Variants in NEDD4 observed in about 807,000 individuals in gnomAD.
The protein encoded by NEDD4 is NEDD4 E3 ubiquitin protein ligase.
A neutral mutation model predicts 144.9 loss-of-function variants in NEDD4; 99 were observed. That is an observed-to-expected ratio of 0.68 (90% CI 0.58 to 0.81). The LOEUF is 0.81. Ranked by LOEUF, NEDD4 falls within the 30% of genes least tolerant of loss-of-function variation. The pLI is 0.00. For synonymous variants in NEDD4, 318 were observed against 350.6 expected (o/e 0.91, Z 1.04); for missense variants, 985 against 1,065.9 (o/e 0.92, Z 1.06).
rs139657664 is a variant in NEDD4, at chr15:55,940,081, A to C, written c.237+11295T>G. ...AACAAAATGGATGAACCTTGAGGAC[A>C]CTACCCTAGGTGAAATAAGCTAGTC... is the stretch of plus-strand genomic sequence containing the variant. On this transcript the variant is annotated intron_variant, in intron 4 of 28. Coordinates refer to ENST00000435532, the MANE Select transcript of NEDD4 (RefSeq NM_006154.4). Among the ~76,000 whole-genome samples the C allele has an allele frequency of 4.4e-3, 667 of 152,348 alleles. 6 individuals are homozygous for C. The highest frequency in any genetic ancestry group is 0.015 in the African/African-American group (638 of 41,586).
intron 2 of NEDD4, among the ~76,000 whole-genome samples, chr15:55,961,629 C>A (rs753311890): frequency 2.0e-5 from 3 of 152,086 alleles, no homozygotes; most frequent in African/African-American, 7.2e-5. Flanking sequence ...CACCACCACA[C>A]CCGGATAATT....
chr15:55,893,788 T>A (rs1207409062), intron 5 of NEDD4, among the ~76,000 whole-genome samples: 4 of 148,824 alleles, frequency 2.7e-5, no homozygotes, highest in Non-Finnish European at 5.9e-5. Flanking sequence ...CCACACTATA[T>A]GGATTCATAC....
chr15:55,915,180 C>G (rs2036396293), intron 5 of NEDD4: 4 of 1,031,648 alleles, frequency 3.9e-6, no homozygotes, highest in Non-Finnish European at 5.5e-6. Context: ...AGCTAAGGAC[C>G]AGGAAAATAT....
At chr15:55,980,080 T>G (rs1177844120) in intron 1 of NEDD4, among the ~76,000 whole-genome samples, 1 of 152,050 alleles carries the variant, frequency 6.6e-6, no homozygotes, top group Non-Finnish European at 1.5e-5. Context: ...GTAGCTGGGA[T>G]TACAGGCGCG....
intron 1 of NEDD4, among the ~76,000 whole-genome samples, chr15:55,980,793 G>GGT (rs148017681): frequency 0.013 from 1,921 of 149,144 alleles, 18 homozygotes; most frequent in South Asian, 0.042. Flanking sequence ...TGTGTGTAGG[G>GGT]GTGTGTGTGT....
chr15:55,836,000 T>C (rs541947111), intron 24 of NEDD4, among the ~76,000 whole-genome samples: 2 of 152,268 alleles, frequency 1.3e-5, no homozygotes, highest in African/African-American at 2.4e-5. Context: ...CGCAGGCTGA[T>C]TGTTTCCCTC....
intron 2 of NEDD4, among the ~76,000 whole-genome samples, chr15:55,963,087 C>T (rs72734343): frequency 0.072 from 10,832 of 151,330 alleles, 451 homozygotes; most frequent in Middle Eastern, 0.17. Flanking sequence ...AACCGGCCTC[C>T]GTTACTTTTT....
intron 5 of NEDD4, among the ~76,000 whole-genome samples, chr15:55,911,248 G>A (rs1367473343): frequency 6.6e-6 from 1 of 152,100 alleles, no homozygotes; most frequent in Non-Finnish European, 1.5e-5. Flanking sequence ...AGTGGGTGGA[G>A]GCCAGGGATG....
chr15:55,956,147 G>A (rs2037334389), intron 2 of NEDD4, among the ~76,000 whole-genome samples: 1 of 151,946 alleles, frequency 6.6e-6, no homozygotes, highest in Non-Finnish European at 1.5e-5. Flanking sequence ...TAATTTTTGT[G>A]GGTACATAGT....
intron 24 of NEDD4, among the ~76,000 whole-genome samples, chr15:55,835,720 C>T (rs1279565018): frequency 6.6e-6 from 1 of 152,158 alleles, no homozygotes; most frequent in African/African-American, 2.4e-5. Context: ...TCTCAACTCC[C>T]TCACCATTCC....
In NEDD4 at chr15:55,906,826, T is replaced by C. The variant is rs534450848; in HGVS notation, c.291+17820A>G. ...AAATAAAATTTTAGGCTGGGCGCAG[T>C]GGCTCACGCCCATAATCCCAATGCT... is the stretch of plus-strand genomic sequence containing the variant. On this transcript the variant is annotated intron_variant, in intron 5 of 28. Transcript: ENST00000435532. Among the ~76,000 whole-genome samples the C allele has an allele frequency of 3.8e-4, 58 of 152,322 alleles. 1 individual carries two copies. The highest frequency in any genetic ancestry group is 1.2e-3 in the Admixed American group (19 of 15,306).
At chr15:55,847,729 T>C (rs1595743234) in intron 17 of NEDD4, among the ~76,000 whole-genome samples, 1 of 148,898 alleles carries the variant, frequency 6.7e-6, no homozygotes, top group South Asian at 2.1e-4. Flanking sequence ...CAGGCTGGAG[T>C]GTGGTGGTAC....
rs1194804463 is a variant in NEDD4 at position 55,976,626 on chromosome 15, AATT to A, written c.46-10083_46-10081del. 2.5e-4 allele frequency among the ~76,000 whole-genome samples: 33 copies of A among 131,380 alleles called. 1 individual carries two copies. The highest frequency in any genetic ancestry group is 4.0e-3 in the Middle Eastern group (1 of 248). The allele number at this position is 131,380 out of a possible 152,430, so 86.2% of individuals were successfully genotyped here. A position where few individuals can be genotyped will look rare whatever the true frequency, so the allele number is the denominator to read the frequency against. On this transcript the variant is annotated intron_variant, in intron 1 of 28. Coordinates refer to ENST00000435532, the MANE Select transcript of NEDD4 (RefSeq NM_006154.4). ...GGTACCCTTATCCAATCTGGGCAAA[AATT>A]TTTTTTTTTTTTTTTTTTGAGACGG...
At chr15:55,985,454 G>C (rs190552587) in intron 1 of NEDD4, among the ~76,000 whole-genome samples, 4 of 152,354 alleles carry the variant, frequency 2.6e-5, no homozygotes, top group African/African-American at 9.6e-5. Context: ...GCTGCATAGA[G>C]AATAGCAATA....
chr15:55,862,864 G>A (rs369523947), intron 9 of NEDD4, 49 bp downstream of exon 9: 41 of 1,485,092 alleles, frequency 2.8e-5, no homozygotes, highest in African/African-American at 5.6e-5. Context: ...ATGAAAATTC[G>A]TAGTTAAAGT....
chr15:55,972,781 A>G (rs1040116731), intron 1 of NEDD4, among the ~76,000 whole-genome samples: 28 of 152,262 alleles, frequency 1.8e-4, no homozygotes, highest in African/African-American at 6.8e-4. Flanking sequence ...TAGACTGAAA[A>G]TAAAGGCACA....
intron 21 of NEDD4, among the ~76,000 whole-genome samples, chr15:55,839,324 C>T (rs970772985): frequency 9.2e-5 from 14 of 151,986 alleles, no homozygotes; most frequent in African/African-American, 2.4e-4. Flanking sequence ...CCCCTGTGTC[C>T]GGCACTAAGT....
chr15:55,914,910 T>C (rs755102490), intron 5 of NEDD4, among the ~76,000 whole-genome samples: 1 of 152,026 alleles, frequency 6.6e-6, no homozygotes, highest in South Asian at 2.1e-4. Context: ...GAATAAAGTA[T>C]TGAGCTACAC....
chr15:55,911,860 C>T (rs535895535), intron 5 of NEDD4, among the ~76,000 whole-genome samples: 3 of 152,266 alleles, frequency 2.0e-5, no homozygotes, highest in African/African-American at 7.2e-5. Context: ...ACAAGCATGT[C>T]CCTATTACTA....
Sources: gnomAD v4.1 joint callset for allele counts (sites outside exome capture counted in the v4.1 genomes callset) on GRCh38, gnomAD v4.1.1 for gene constraint, MANE v1.5 for transcripts, NCBI Gene and HGNC (gene_info 2026-07-23, HGNC 2026-07-21) for gene names.